The following FARS2 variants were observed in gnomAD, a reference collection of about 807,000 sequenced individuals.
The protein encoded by FARS2 is phenylalanine--tRNA ligase, mitochondrial.
In FARS2, 40 loss-of-function variants were observed where a neutral mutation model predicts 46.4. The ratio of observed to expected loss-of-function variants is 0.86; its 90% CI spans 0.67 to 1.12. The LOEUF (loss-of-function observed/expected upper bound fraction) is 1.12, where lower values mean the gene tolerates loss of function less well. FARS2 is among the 50% of genes most tolerant of loss of function. The pLI, the probability that FARS2 is intolerant of heterozygous loss-of-function variation, is 0.00. For synonymous variants in FARS2, 234 were observed against 214.9 expected, an observed-to-expected ratio of 1.09 and a Z score of -0.78; for missense variants, 513 against 567.9, an observed-to-expected ratio of 0.90 and a Z score of 0.98.
At chr6:5,370,980 G>A (rs945732918) in intron 2 of FARS2, among the ~76,000 whole-genome samples, 24 of 152,160 alleles carry the variant, frequency 1.6e-4, no homozygotes, top group Admixed American at 1.5e-3. Flanking sequence ...TTTGACTTCA[G>A]CCATGAGGAA....
chr6:5,267,416 T>C (rs1416656541), intron 1 of FARS2, among the ~76,000 whole-genome samples: 1 of 152,148 alleles, frequency 6.6e-6, no homozygotes, highest in East Asian at 1.9e-4. Flanking sequence ...CTATTATTTA[T>C]TTAGAGTTTG....
chr6:5,271,939 A>G (rs900327156), intron 1 of FARS2, among the ~76,000 whole-genome samples: 3 of 152,182 alleles, frequency 2.0e-5, no homozygotes, highest in African/African-American at 7.2e-5. Context: ...AAATACAGTA[A>G]GGACCCCCTG....
chr6:5,386,308 A>G (rs1401839800), intron 2 of FARS2, among the ~76,000 whole-genome samples: 1 of 152,016 alleles, frequency 6.6e-6, no homozygotes, highest in East Asian at 1.9e-4. Context: ...GGCACATTGG[A>G]AAGTGACAGG....
In FARS2 at chr6:5,613,315, TC is replaced by T; in HGVS notation, c.1214del (p.Pro405GlnfsTer65). Reference protein sequence around the residue: ...KVDLIDKFVHPKTHKTSHCYR... With the variant: ...KVDLIDKFVHXKTHKTSHCYR... ...TTGATCTCATAGACAAGTTTGTACATCCAAAGTAAGTGAAAAGCTTTCTGAT... is the reference window on the plus strand; with the variant it reads ...TTGATCTCATAGACAAGTTTGTACATCAAAGTAAGTGAAAAGCTTTCTGAT... On this transcript the variant is annotated frameshift_variant, in exon 6 of 7. Coordinates refer to ENST00000274680, the MANE Select transcript of FARS2 (RefSeq NM_006567.5). LOFTEE classifies it high-confidence loss of function. 1 of 1,611,996 alleles carries T rather than the reference TC, an allele frequency of 6.2e-7. No individual in the cohort carries two copies. Among genetic ancestry groups the T allele is most frequent in the South Asian group, 1.1e-5 (1 of 90,678 alleles).
At chr6:5,598,349 C>T (rs1480962990) in intron 5 of FARS2, among the ~76,000 whole-genome samples, 3 of 152,166 alleles carry the variant, frequency 2.0e-5, no homozygotes, top group Non-Finnish European at 4.4e-5. Context: ...TACCACTGCA[C>T]TCCAGCCCAG....
intron 1 of FARS2, among the ~76,000 whole-genome samples, chr6:5,353,896 C>T (rs1480823422): frequency 6.6e-6 from 1 of 150,488 alleles, no homozygotes; most frequent in Non-Finnish European, 1.5e-5. Flanking sequence ...GAACCAAAGC[C>T]CAAGGCAGAA....
chr6:5,360,177 A>T (rs1758209929), intron 1 of FARS2, among the ~76,000 whole-genome samples: 1 of 152,222 alleles, frequency 6.6e-6, no homozygotes, highest in Non-Finnish European at 1.5e-5. Flanking sequence ...ACGATTTCAA[A>T]ATGCACTGTT....
intron 6 of FARS2, among the ~76,000 whole-genome samples, chr6:5,686,888 G>A (rs376030030): frequency 5.3e-5 from 8 of 152,130 alleles, no homozygotes; most frequent in Admixed American, 1.3e-4. Flanking sequence ...TTTAATGATC[G>A]CTATTCTAAC....
chr6:5,512,853 G>A (rs1768541125), intron 4 of FARS2, among the ~76,000 whole-genome samples: 1 of 152,196 alleles, frequency 6.6e-6, no homozygotes, highest in Non-Finnish European at 1.5e-5. Flanking sequence ...GTTGGGGACT[G>A]CAAATAGTTC....
chr6:5,342,015 A>G (rs1020120400), intron 1 of FARS2, among the ~76,000 whole-genome samples: 6 of 152,224 alleles, frequency 3.9e-5, no homozygotes, highest in Admixed American at 2.0e-4. Flanking sequence ...GTAGAATCAC[A>G]TGATCATATT....
rs148993689 is a variant in FARS2, at chr6:5,551,251, C to T, written c.1065+5911C>T. Among the ~76,000 whole-genome samples, 315 of 152,320 alleles carry T rather than the reference C, an allele frequency of 2.1e-3. 1 individual carries two copies. Among genetic ancestry groups the T allele is most frequent in the African/African-American group, 7.2e-3 (301 of 41,578 alleles). On this transcript the variant is annotated intron_variant, in intron 5 of 6. Coordinates refer to ENST00000274680, the MANE Select transcript of FARS2 (RefSeq NM_006567.5). ...TATGAATGAACAAGGATCCCCTTTC[C>T]TCCACCTTCCACTAACATGTTCCTC... is the stretch of plus-strand genomic sequence containing the variant.
intron 6 of FARS2, among the ~76,000 whole-genome samples, chr6:5,619,351 G>A (rs1254351115): frequency 2.0e-5 from 3 of 152,154 alleles, no homozygotes; most frequent in Non-Finnish European, 4.4e-5. Context: ...GCAAGGGCAG[G>A]TTTGAAAGGG....
intron 1 of FARS2, among the ~76,000 whole-genome samples, chr6:5,351,536 G>A (rs1757573242): frequency 6.6e-6 from 1 of 152,098 alleles, no homozygotes; most frequent in African/African-American, 2.4e-5. Context: ...TATTGACAGA[G>A]ATTAACTGAT....
intron 4 of FARS2, among the ~76,000 whole-genome samples, chr6:5,501,827 C>T (rs369989488): frequency 3.3e-5 from 5 of 152,168 alleles, no homozygotes; most frequent in East Asian, 1.9e-4. Flanking sequence ...AGTATCATTA[C>T]GGGTTGCATT....
intron 5 of FARS2, among the ~76,000 whole-genome samples, chr6:5,576,745 A>G (rs1261306379): frequency 6.6e-6 from 1 of 151,672 alleles, no homozygotes; most frequent in Non-Finnish European, 1.5e-5. Context: ...TTCATTCAGT[A>G]ATTTGTATTA....
At chr6:5,724,582 G>T (rs2150925914) in intron 6 of FARS2, among the ~76,000 whole-genome samples, 1 of 152,306 alleles carries the variant, frequency 6.6e-6, no homozygotes, top group African/African-American at 2.4e-5. Context: ...ACTGTGCCTG[G>T]CAGGAGACAG....
chr6:5,525,007 T>C (rs1393399082), intron 4 of FARS2, among the ~76,000 whole-genome samples: 3 of 152,124 alleles, frequency 2.0e-5, no homozygotes, highest in Non-Finnish European at 4.4e-5. Context: ...TGGCATTGCT[T>C]CTTGGGGAAG....
chr6:5,587,572 A>G (rs1407151689), intron 5 of FARS2, among the ~76,000 whole-genome samples: 4 of 152,208 alleles, frequency 2.6e-5, no homozygotes, highest in Non-Finnish European at 4.4e-5. Context: ...CAAAGTTTTC[A>G]TGACTCAATT....
At chr6:5,455,666 A>G (rs1312495243) in intron 4 of FARS2, among the ~76,000 whole-genome samples, 1 of 152,192 alleles carries the variant, frequency 6.6e-6, no homozygotes, top group Admixed American at 6.5e-5. Context: ...ATTGCTCTTA[A>G]TTATAGGTCA....
Sources: allele counts gnomAD v4.1 joint callset (sites outside exome capture counted in the v4.1 genomes callset), GRCh38; gene constraint gnomAD v4.1.1; transcripts MANE v1.5; gene names NCBI Gene and HGNC (gene_info 2026-07-23, HGNC 2026-07-21).